Variants in AK8 observed in about 807,000 individuals in gnomAD.
AK8 encodes ATP-AMP transphosphorylase 8.
Under a neutral mutation model 54.6 loss-of-function variants are expected in AK8, and 44 were observed. The observed-to-expected ratio is 0.81, with a 90% CI of 0.63 to 1.04. AK8 has a LOEUF of 1.04. Ranked by LOEUF, AK8 falls within the 50% of genes least tolerant of loss-of-function variation. AK8 has a pLI of 0.00. For missense variants in AK8, 555 were observed against 613.6 expected (o/e 0.90, Z 1.01); for synonymous variants, 239 against 245.6 (o/e 0.97, Z 0.25).
intron 5 of AK8, among the ~76,000 whole-genome samples, chr9:132,841,639 C>T (rs1357841464): frequency 6.6e-6 from 1 of 152,164 alleles, no homozygotes; most frequent in Non-Finnish European, 1.5e-5. Flanking sequence ...CTGACCTGGC[C>T]TGTGGGACGT....
chr9:132,730,868 G>A (rs1836809682), intron 11 of AK8, among the ~76,000 whole-genome samples: 1 of 152,200 alleles, frequency 6.6e-6, no homozygotes, highest in African/African-American at 2.4e-5. Flanking sequence ...GTTTTACAGT[G>A]AGATGAGGAA....
chr9:132,848,123 A>AAAAAAAAC (rs1842827742), intron 5 of AK8, among the ~76,000 whole-genome samples: 2 of 108,148 alleles, frequency 1.8e-5, no homozygotes, highest in East Asian at 3.8e-4. Context: ...TTCAAAAAAA[A>AAAAAAAAC]AAAAAAAAAA....
rs34618444 is a variant in AK8, at chr9:132,738,417, CT to C, written c.1122-10884del. On this transcript the variant is annotated intron_variant, in intron 11 of 12. Coordinates refer to ENST00000298545, the MANE Select transcript of AK8 (RefSeq NM_152572.3). ...TATTCCCAATGACTGTTCAACTCTT[CT>C]TTTTTTTTAATTTAAAAAAGTTTTA... Among the ~76,000 whole-genome samples, 12 of 151,498 alleles carry C rather than the reference CT, an allele frequency of 7.9e-5. No homozygotes were observed. The East Asian group carries it at 1.9e-3, about 24-fold the overall frequency.
chr9:132,768,099 T>C (rs963841157), intron 11 of AK8, among the ~76,000 whole-genome samples: 3 of 152,174 alleles, frequency 2.0e-5, no homozygotes, highest in African/African-American at 4.8e-5. Flanking sequence ...CAGAAGAGAT[T>C]TGAAATGTTC....
chr9:132,819,138 A>T (rs1242487411), intron 9 of AK8, among the ~76,000 whole-genome samples: 1 of 152,168 alleles, frequency 6.6e-6, no homozygotes, highest in Non-Finnish European at 1.5e-5. Flanking sequence ...TTCTACACTC[A>T]TGGATTCAAC....
At chr9:132,727,677 C>T in intron 11 of AK8, 143 bp from the exon 12 acceptor site, 2 of 716,432 alleles carry the variant, frequency 2.8e-6, no homozygotes, top group Admixed American at 2.4e-5. Context: ...AATGTGCCTG[C>T]AAACCTGCCT....
intron 3 of AK8, among the ~76,000 whole-genome samples, chr9:132,865,830 T>A (rs760409007): frequency 2.7e-5 from 4 of 149,352 alleles, no homozygotes; most frequent in African/African-American, 7.4e-5. Context: ...AAAATAAAAA[T>A]AAAAAATAAA....
chr9:132,759,543 T>C (rs1001994987), intron 11 of AK8, among the ~76,000 whole-genome samples: 1 of 152,264 alleles, frequency 6.6e-6, no homozygotes, highest in African/African-American at 2.4e-5. Flanking sequence ...GTTTCGTATA[T>C]GTTCTTCTAC....
At chr9:132,740,677 G>T (rs1414002028) in intron 11 of AK8, among the ~76,000 whole-genome samples, 1 of 152,090 alleles carries the variant, frequency 6.6e-6, no homozygotes, top group East Asian at 1.9e-4. Context: ...AGAGACCTGT[G>T]CACCTCTGGC....
At chr9:132,744,222 C>A (rs535580308) in intron 11 of AK8, among the ~76,000 whole-genome samples, 6 of 152,158 alleles carry the variant, frequency 3.9e-5, no homozygotes, top group Non-Finnish European at 5.9e-5. Flanking sequence ...CCAAAAGACC[C>A]TTCGTCCCCA....
intron 11 of AK8, among the ~76,000 whole-genome samples, chr9:132,778,525 G>T (rs2131117229): frequency 6.6e-6 from 1 of 152,244 alleles, no homozygotes; most frequent in East Asian, 1.9e-4. Flanking sequence ...TCTCTACTTT[G>T]CATTTTAATT....
chr9:132,746,741 T>C (rs1837671473), intron 11 of AK8, among the ~76,000 whole-genome samples: 1 of 151,922 alleles, frequency 6.6e-6, no homozygotes, highest in Admixed American at 6.6e-5. Context: ...GGCAGCAAAA[T>C]AGATCCAGGT....
intron 5 of AK8, among the ~76,000 whole-genome samples, chr9:132,832,731 T>G (rs1842159196): frequency 6.6e-6 from 1 of 152,212 alleles, no homozygotes; most frequent in Non-Finnish European, 1.5e-5. Context: ...TTTAGAACTA[T>G]TCAGGGGAAC....
At chr9:132,775,556 G>A (rs924447742) in intron 11 of AK8, among the ~76,000 whole-genome samples, 1 of 152,134 alleles carries the variant, frequency 6.6e-6, no homozygotes, top group Non-Finnish European at 1.5e-5. Flanking sequence ...GCCCGCCTCA[G>A]CCTCCGCCTC....
In AK8 at chr9:132,837,446, C is replaced by A. The variant is rs545249137; in HGVS notation, c.403-8720G>T. Among the ~76,000 whole-genome samples the A allele has an allele frequency of 2.6e-5, 4 of 152,078 alleles. No homozygotes were observed. The highest frequency in any genetic ancestry group is 5.9e-5 in the Non-Finnish European group (4 of 68,020). On this transcript the variant is annotated intron_variant, in intron 5 of 12. Coordinates refer to ENST00000298545, the MANE Select transcript of AK8 (RefSeq NM_152572.3). The surrounding 1 kb of genome is among the most constrained non-coding windows in gnomAD (Gnocchi z 4.3). ...CACCTCTGACTCTCTGCTCAGCCTG[C>A]GAAGAGAAGAGTGATGTGGTCAGTA...
At chr9:132,776,076 C>T (rs886723408) in intron 11 of AK8, among the ~76,000 whole-genome samples, 1 of 152,218 alleles carries the variant, frequency 6.6e-6, no homozygotes, top group Admixed American at 6.5e-5. Context: ...CACTGGACTG[C>T]CTCTTACACA....
intron 7 of AK8, 95 bp from the exon 8 acceptor site, chr9:132,827,149 G>A: frequency 1.5e-6 from 2 of 1,292,786 alleles, no homozygotes; most frequent in Non-Finnish European, 2.2e-6. Flanking sequence ...CTGGAGGCCA[G>A]GCCCTACACA....
Position 132,825,917 on chromosome 9 carries a change from C to T in AK8, c.757+937G>A, listed in dbSNP as rs529776352. 6.9e-4 allele frequency among the ~76,000 whole-genome samples: 105 copies of T among 152,266 alleles called. 3 individuals are homozygous for T. In the South Asian group the frequency reaches 0.021, roughly 31 times the overall value. On this transcript the variant is annotated intron_variant, in intron 8 of 12. Coordinates refer to ENST00000298545, the MANE Select transcript of AK8 (RefSeq NM_152572.3). ...ACTGTGTGGAAGGGTAATTTTGAGA[C>T]GACTGGATTTTGAGATACTGCATTT...
At chr9:132,863,962 G>A (rs541948745) in intron 3 of AK8, among the ~76,000 whole-genome samples, 184 bp from the exon 4 acceptor site, 1 of 152,202 alleles carries the variant, frequency 6.6e-6, no homozygotes, top group Non-Finnish European at 1.5e-5. Context: ...GCTGGCCTAA[G>A]AGCCCTGCTC....
Sources: gnomAD v4.1 joint callset for allele counts (sites outside exome capture counted in the v4.1 genomes callset) on GRCh38, gnomAD v4.1.1 for gene constraint, Gnocchi (gnomAD v3.1) non-coding constraint, MANE v1.5 for transcripts, NCBI Gene and HGNC (gene_info 2026-07-23, HGNC 2026-07-21) for gene names.